Variants in GGT1 observed in about 807,000 individuals in gnomAD.
GGT1 encodes gamma-glutamyltransferase 1.
Under a neutral mutation model 56.0 loss-of-function variants are expected in GGT1, and 21 were observed. That is an observed-to-expected ratio of 0.38 (90% confidence interval 0.27 to 0.54). The LOEUF (loss-of-function observed/expected upper bound fraction) is 0.54. Among genes scored for constraint, GGT1 ranks in the 20% least tolerant of loss-of-function variants. The pLI is 0.82. For synonymous variants in GGT1, 238 were observed against 342.6 expected (o/e 0.69, Z 3.37); for missense variants, 466 against 787.0 (o/e 0.59, Z 4.88).
chr22:24,612,542 T>C (rs1438166157), intron 5 of GGT1, among the ~76,000 whole-genome samples: 4 of 151,370 alleles, frequency 2.6e-5, no homozygotes, highest in Admixed American at 6.6e-5. Context: ...TGTTTTGTTT[T>C]TTGAGACGGA....
chr22:24,623,080 C>G, intron 9 of GGT1, 27 bp from the exon 10 acceptor site: 1 of 1,611,854 alleles, frequency 6.2e-7, no homozygotes, highest in Non-Finnish European at 8.5e-7. Context: ...CATCCCAGCA[C>G]CCATTTGAGC....
the GGT1 span, among the ~76,000 whole-genome samples, chr22:24,586,723 GT>G: frequency 6.6e-6 from 1 of 152,208 alleles, no homozygotes; most frequent in African/African-American, 2.4e-5. Flanking sequence ...TAGAGGCGGG[GT>G]TTCTCCATCT....
chr22:24,614,988 CGTGG>C, intron 6 of GGT1, 49 bp from the exon 7 acceptor site: 1 of 881,092 alleles, frequency 1.1e-6, no homozygotes, highest in Non-Finnish European at 1.7e-6. Context: ...CCCAGGCTCA[CGTGG>C]CATAAAGGGT....
Position 24,623,204 on chromosome 22 carries a change from C to G in GGT1, c.831C>G (p.Pro277=). Residue 277 remains proline, a synonymous_variant, in exon 10 of 16, where the codon CCC becomes CCG. Coordinates refer to ENST00000400382, the MANE Select transcript of GGT1 (RefSeq NM_001288833.2). ...ISLGDVVLYM[P]SAPLSGPVLA... ...TGGGAGACGTGGTGCTGTACATGCC[C>G]AGTGCGCCGCTCAGCGGGCCCGTGC... The G allele has an allele frequency of 6.2e-7, 1 of 1,600,336 alleles. No homozygotes were observed. Among genetic ancestry groups the G allele is most frequent in the Non-Finnish European group, 8.5e-7 (1 of 1,173,468 alleles).
intron 11 of GGT1, among the ~76,000 whole-genome samples, chr22:24,626,741 A>G (rs2047804714): frequency 2.0e-5 from 3 of 149,814 alleles, no homozygotes; most frequent in Admixed American, 1.4e-4. Context: ...CTGTGAAAAC[A>G]CTCCCCAGCC....
At chr22:24,615,364 C>T (rs1397091875) in intron 7 of GGT1, among the ~76,000 whole-genome samples, 1 of 152,168 alleles carries the variant, frequency 6.6e-6, no homozygotes, top group African/African-American at 2.4e-5. Flanking sequence ...CTGTGCAGCA[C>T]ATGGAGAGAA....
upstream of GGT1, chr22:24,592,969 C>G (rs930755180): frequency 1.7e-6 from 2 of 1,174,506 alleles, no homozygotes; most frequent in African/African-American, 3.2e-5. Flanking sequence ...GGGCGCGGGC[C>G]CGCAGCCGGC....
chr22:24,584,049 C>T, the GGT1 span, among the ~76,000 whole-genome samples: 1 of 152,212 alleles, frequency 6.6e-6, no homozygotes, highest in Non-Finnish European at 1.5e-5. Flanking sequence ...TTGGTTTAAG[C>T]TTTCACTTTC....
At chr22:24,609,322 G>A (rs1164002463) in intron 2 of GGT1, 5 of 152,282 alleles carry the variant, frequency 3.3e-5, no homozygotes, top group East Asian at 1.9e-4. Flanking sequence ...TGGTGGTCAC[G>A]GTGGGGATGA....
chr22:24,607,923 C>T, intron 1 of GGT1, 31 bp from the exon 2 acceptor site: 2 of 462,688 alleles, frequency 4.3e-6, no homozygotes, highest in Non-Finnish European at 9.0e-6. Flanking sequence ...GGGACTTTCC[C>T]AGGCAGACAA....
upstream of GGT1, chr22:24,592,492 T>A (rs1287540437): frequency 4.5e-6 from 2 of 448,902 alleles, no homozygotes; most frequent in African/African-American, 4.0e-5. Flanking sequence ...CACTTGCCAC[T>A]CCTCCCGGGC....
At chr22:24,586,333 G>A in the GGT1 span, 66 of 1,613,976 alleles carry the variant, frequency 4.1e-5, no homozygotes, top group Admixed American at 6.0e-4. Context: ...TGTGTTGCAC[G>A]TCCTGTGTCG....
At chr22:24,588,429 C>T in the GGT1 span, 6 of 912,686 alleles carry the variant, frequency 6.6e-6, no homozygotes, top group South Asian at 4.4e-5. Context: ...TGTGTGAGCA[C>T]AGTCATGCAC....
chr22:24,607,249 A>G (rs1194931976), intron 1 of GGT1, among the ~76,000 whole-genome samples: 1 of 151,806 alleles, frequency 6.6e-6, no homozygotes, highest in Non-Finnish European at 1.5e-5. Flanking sequence ...TTCCCGGAAC[A>G]CACCTTTAGC....
upstream of GGT1, chr22:24,589,999 C>T (rs567413863): frequency 1.2e-5 from 18 of 1,503,806 alleles, no homozygotes; most frequent in South Asian, 1.3e-4. Context: ...TCTCCCATCT[C>T]GAGGCACCAC....
chr22:24,620,672 G>T lies in GGT1; in HGVS notation c.575+152G>T, dbSNP rs2047361508. 1 of 1,464,706 alleles carries T rather than the reference G, an allele frequency of 6.8e-7. No individual in the cohort carries two copies. Among genetic ancestry groups the T allele is most frequent in the Non-Finnish European group, 9.0e-7 (1 of 1,106,958 alleles). 90.7% of individuals were successfully genotyped at this position (1,464,706 alleles called of 1,614,324 possible). A position where few individuals can be genotyped will look rare whatever the true frequency, so the allele number is the denominator to read the frequency against. ...TACAGACCCTTCCCACCACGTGTGG[G>T]GACACATTCTGAGCGTGGGGTCCCA... On this transcript the variant is annotated intron_variant, in intron 8 of 15. Transcript: ENST00000400382. This position sits in a 1 kb window ranked among gnomAD's most constrained non-coding sequence, Gnocchi z 5.6.
At chr22:24,593,012 C>G (rs1479879959), upstream of GGT1, 4 of 1,092,008 alleles carry the variant, frequency 3.7e-6, no homozygotes, top group Admixed American at 1.0e-4. Flanking sequence ...GCCTCGGGCC[C>G]GGCCCGCCGG....
chr22:24,625,665 C>A (rs992037722), intron 11 of GGT1, among the ~76,000 whole-genome samples: 11 of 152,082 alleles, frequency 7.2e-5, no homozygotes, highest in Non-Finnish European at 7.4e-5. Context: ...CCTCAGCCTC[C>A]CGAGTAGCTG....
At chr22:24,594,384 C>CGTGTGTGTGTGT (rs762877347), upstream of GGT1, among the ~76,000 whole-genome samples, 220 of 140,188 alleles carry the variant, frequency 1.6e-3, 3 homozygotes, top group African/African-American at 5.2e-3. Flanking sequence ...GCCAAGCACC[C>CGTGTGTGTGTGT]GTGTGTATGT....
Sources: allele counts gnomAD v4.1 joint callset (sites outside exome capture counted in the v4.1 genomes callset), GRCh38; gene constraint gnomAD v4.1.1; non-coding constraint Gnocchi (gnomAD v3.1); transcripts MANE v1.5; gene names NCBI Gene and HGNC (gene_info 2026-07-23, HGNC 2026-07-21).